HLCS: variants seen among roughly 807,000 people sequenced by gnomAD.
HLCS encodes biotin--protein ligase.
Under a neutral mutation model 75.0 loss-of-function variants are expected in HLCS, and 53 were observed. That is an observed-to-expected ratio of 0.71 (90% CI 0.57 to 0.89). The LOEUF is 0.89. Among genes scored for constraint, HLCS ranks in the 40% least tolerant of loss-of-function variants. The pLI is 0.00. For missense variants in HLCS, 966 were observed against 1,074.0 expected (o/e 0.90, Z 1.41); for synonymous variants, 431 against 428.6 (o/e 1.01, Z -0.07).
chr21:36,896,347 CTCAA>C (rs774930423), intron 6 of HLCS, among the ~76,000 whole-genome samples: 6 of 152,218 alleles, frequency 3.9e-5, no homozygotes, highest in African/African-American at 1.2e-4. Context: ...AAGATCCTAT[CTCAA>C]TCAATCAATC....
chr21:36,918,203 C>G (rs1295941446), intron 5 of HLCS, among the ~76,000 whole-genome samples: 1 of 152,192 alleles, frequency 6.6e-6, no homozygotes, highest in African/African-American at 2.4e-5. Flanking sequence ...GCCGGAAATT[C>G]TTCCTGCAAA....
chr21:36,896,708 A>T, intron 6 of HLCS, 152 bp downstream of exon 6: 2 of 821,848 alleles, frequency 2.4e-6, no homozygotes, highest in Non-Finnish European at 3.9e-6. Flanking sequence ...CCCACGATTT[A>T]ACTCTTCTAG....
At chr21:36,866,448 G>C (rs537050106) in intron 6 of HLCS, among the ~76,000 whole-genome samples, 12 of 152,234 alleles carry the variant, frequency 7.9e-5, no homozygotes, top group African/African-American at 2.6e-4. Context: ...GTAAAAGACT[G>C]GTGTAAAAAT....
chr21:36,841,606 A>C (rs570481087), intron 6 of HLCS, among the ~76,000 whole-genome samples: 1 of 152,238 alleles, frequency 6.6e-6, no homozygotes, highest in Admixed American at 6.5e-5. Flanking sequence ...CTAGGCTGGG[A>C]AACAGTATCA....
chr21:36,939,303 T>A (rs1007961153), intron 2 of HLCS, among the ~76,000 whole-genome samples: 1 of 152,170 alleles, frequency 6.6e-6, no homozygotes, highest in Non-Finnish European at 1.5e-5. Flanking sequence ...AAAAACACCA[T>A]GCTGCCCTTT....
chr21:36,905,399 A>C (rs956482736), intron 5 of HLCS, among the ~76,000 whole-genome samples: 1 of 152,220 alleles, frequency 6.6e-6, no homozygotes, highest in African/African-American at 2.4e-5. Context: ...TGAAATCATT[A>C]CAGCTAGTTC....
At chr21:36,915,732 C>T (rs2065901716) in intron 5 of HLCS, among the ~76,000 whole-genome samples, 1 of 150,672 alleles carries the variant, frequency 6.6e-6, no homozygotes, top group Non-Finnish European at 1.5e-5. Flanking sequence ...CTCCGGCATG[C>T]CCACAGCTGA....
At chr21:36,971,839 A>AG (rs1740403431) in intron 1 of HLCS, 1 of 152,122 alleles carries the variant, frequency 6.6e-6, no homozygotes, top group East Asian at 1.9e-4. Context: ...AAAAAAAAAA[A>AG]AAAAAATGAA....
intron 2 of HLCS, among the ~76,000 whole-genome samples, chr21:36,940,100 CAA>C (rs1474507789): frequency 3.3e-5 from 5 of 152,052 alleles, no homozygotes; most frequent in African/African-American, 9.7e-5. Flanking sequence ...TTCATGAGAT[CAA>C]AGAGTATACG....
intron 2 of HLCS, among the ~76,000 whole-genome samples, chr21:36,942,398 CAAAAAAA>C (rs55999516): frequency 7.4e-5 from 6 of 80,934 alleles, no homozygotes; most frequent in African/African-American, 1.0e-4. Flanking sequence ...GACTCCGTCT[CAAAAAAA>C]AAAAAAAAAA....
intron 1 of HLCS, among the ~76,000 whole-genome samples, chr21:36,978,915 C>G (rs2069020744): frequency 6.6e-6 from 1 of 152,146 alleles, no homozygotes; most frequent in Non-Finnish European, 1.5e-5. Context: ...CTCTGCCAAT[C>G]TGAACATATT....
rs1284747916 is a variant in HLCS at position 36,937,172 on chromosome 21, CCT to C, written c.712_713del (p.Arg238GlyfsTer6). On this transcript the variant is annotated frameshift_variant, in exon 4 of 11. Transcript: ENST00000674895. LOFTEE classifies it high-confidence loss of function. ...GATAATGCTCAACGGGGCCCCCTCC[CCT>C]GTCACTGTCCCCAGCAGGCTCACTC... ...SGSEPAGDSD[R>X]GGGPVEHYHL... 6.2e-7 allele frequency: 1 copy of C among 1,614,022 alleles called. No individual in the cohort carries two copies. Among genetic ancestry groups the C allele is most frequent in the African/African-American group, 1.3e-5 (1 of 74,912 alleles).
rs190081978 is a variant in HLCS, at chr21:36,940,111, C to T, written c.331-1117G>A. Among the ~76,000 whole-genome samples, 501 of 152,112 alleles carry T rather than the reference C, an allele frequency of 3.3e-3. 10 individuals carry two copies. The highest frequency in any genetic ancestry group is 5.1e-4 in the Non-Finnish European group (35 of 68,000). ...TGTGTTCATGAGATCAAAGAGTATA[C>T]GTAATGCCCCCAGTAAAAAGCTTAG... On this transcript the variant is annotated intron_variant, in intron 2 of 10. Coordinates refer to ENST00000674895, the MANE Select transcript of HLCS (RefSeq NM_001352514.2).
chr21:36,811,142 C>T (rs979059418), intron 6 of HLCS, among the ~76,000 whole-genome samples: 6 of 152,328 alleles, frequency 3.9e-5, no homozygotes, highest in South Asian at 4.1e-4. Context: ...TGTATTACCT[C>T]ACACTGTTAC....
intron 6 of HLCS, among the ~76,000 whole-genome samples, chr21:36,793,483 G>C (rs1030542205): frequency 1.3e-5 from 2 of 151,886 alleles, no homozygotes; most frequent in African/African-American, 4.8e-5. Flanking sequence ...TGTATTTTTA[G>C]TAGAGACAGA....
chr21:36,849,433 A>T (rs2062909676), intron 6 of HLCS, among the ~76,000 whole-genome samples: 1 of 152,192 alleles, frequency 6.6e-6, no homozygotes, highest in Admixed American at 6.5e-5. Flanking sequence ...GAAAAGAATG[A>T]CTCTGGCAGC....
chr21:36,896,773 C>A (rs2065026717), intron 6 of HLCS, 87 bp downstream of exon 6: 2 of 1,466,834 alleles, frequency 1.4e-6, no homozygotes, highest in Admixed American at 3.3e-5. Context: ...TCCTCTACAA[C>A]TCTATCCCCT....
At chr21:36,875,316 G>C (rs1438647512) in intron 6 of HLCS, among the ~76,000 whole-genome samples, 1 of 152,174 alleles carries the variant, frequency 6.6e-6, no homozygotes, top group Non-Finnish European at 1.5e-5. Flanking sequence ...ATTGACAACT[G>C]TTTGGCCATT....
chr21:36,929,880 T>C (rs1414901207), intron 5 of HLCS, among the ~76,000 whole-genome samples: 2 of 152,246 alleles, frequency 1.3e-5, no homozygotes, highest in African/African-American at 2.4e-5. Flanking sequence ...TGGCAGACAT[T>C]AGCACAAATG....
Sources: gnomAD v4.1 joint callset for allele counts (sites outside exome capture counted in the v4.1 genomes callset) on GRCh38, gnomAD v4.1.1 for gene constraint, MANE v1.5 for transcripts, NCBI Gene and HGNC (gene_info 2026-07-23, HGNC 2026-07-21) for gene names.